Variants in ZNF208 observed in about 807,000 individuals in gnomAD.
ZNF208 encodes the protein zinc finger protein 208.
In ZNF208, 10 loss-of-function variants were observed where a neutral mutation model predicts 12.1. That is an observed-to-expected ratio of 0.83 (90% CI 0.51 to 1.40). The LOEUF (loss-of-function observed/expected upper bound fraction) is 1.40, where lower values mean the gene tolerates loss of function less well. Among genes scored for constraint, ZNF208 ranks in the 40% most tolerant of loss-of-function variants. The pLI, the probability that ZNF208 is intolerant of heterozygous loss-of-function variation, is 0.00. For missense variants in ZNF208, 1,652 were observed against 1,485.0 expected (o/e 1.11, Z -1.85); for synonymous variants, 497 against 488.4 (o/e 1.02, Z -0.23).
chr19:21,977,157 CATTA>C (rs1262006484), intron 3 of ZNF208, among the ~76,000 whole-genome samples: 9 of 152,296 alleles, frequency 5.9e-5, no homozygotes, highest in Non-Finnish European at 1.2e-4. Flanking sequence ...GTGTATCACA[CATTA>C]GGATTACAAA....
In ZNF208 at chr19:21,940,423, C is replaced by G. The variant is rs1469504423; in HGVS notation, c.306-7186G>C. On this transcript the variant is annotated intron_variant, in intron 4 of 4. Coordinates refer to the ZNF208 transcript ENST00000599916. Reference sequence around the variant, plus strand: ...GGTAAAATAGAGTAAAAATTTTAGTCTCTAAGTTTGTGACCATTAAAAAAT... The same window carrying G: ...GGTAAAATAGAGTAAAAATTTTAGTGTCTAAGTTTGTGACCATTAAAAAAT... The G allele has an allele frequency of 2.9e-4, 44 of 151,968 alleles. 1 individual carries two copies. Among genetic ancestry groups the G allele is most frequent in the Admixed American group, 2.9e-3 (44 of 15,262 alleles). 9.4% of individuals were successfully genotyped at this position (151,968 alleles called of 1,614,324 possible). A position where few individuals can be genotyped will look rare whatever the true frequency, so the allele number is the denominator to read the frequency against.
chr19:21,965,204 C>T (rs111575850), downstream of ZNF208, among the ~76,000 whole-genome samples: 14 of 151,884 alleles, frequency 9.2e-5, no homozygotes, highest in African/African-American at 3.4e-4. Flanking sequence ...TATAATAAAT[C>T]AGAAACTATA....
At chr19:22,008,699 A>C (rs1473813206) in intron 1 of ZNF208, among the ~76,000 whole-genome samples, 1 of 152,138 alleles carries the variant, frequency 6.6e-6, no homozygotes, top group Non-Finnish European at 1.5e-5. Flanking sequence ...TCTGAACAGC[A>C]ATATGTCTCC....
intron 1 of ZNF208, among the ~76,000 whole-genome samples, chr19:21,994,954 C>CTT (rs71178799): frequency 6.9e-6 from 1 of 144,684 alleles, no homozygotes; most frequent in Non-Finnish European, 1.5e-5. Context: ...TTTTTCTTTT[C>CTT]TTTTTTTTTT....
chr19:21,988,982 C>G, intron 1 of ZNF208, 73 bp from the exon 2 acceptor site: 1 of 1,593,656 alleles, frequency 6.3e-7, no homozygotes. Flanking sequence ...AGGTAAAATG[C>G]AGAGAGTAAA....
intron 4 of ZNF208, among the ~76,000 whole-genome samples, chr19:21,944,330 C>G (rs1969785621): frequency 6.6e-6 from 1 of 152,164 alleles, no homozygotes; most frequent in African/African-American, 2.4e-5. Context: ...ATTTAAAATT[C>G]AACCTAAATT....
chr19:21,977,414 G>T (rs898123292), intron 3 of ZNF208, among the ~76,000 whole-genome samples: 5 of 152,162 alleles, frequency 3.3e-5, no homozygotes. Context: ...CAGTGGGTGC[G>T]GCTCCCTGAG....
intron 4 of ZNF208, chr19:21,940,335 A>C (rs1243961235): frequency 6.6e-6 from 1 of 152,204 alleles, no homozygotes; most frequent in African/African-American, 2.4e-5. Flanking sequence ...ATCAAATCTA[A>C]GGTAATAAAC....
chr19:21,977,329 C>A (rs769076828), intron 3 of ZNF208, among the ~76,000 whole-genome samples: 5 of 150,658 alleles, frequency 3.3e-5, no homozygotes, highest in East Asian at 2.0e-4. Context: ...GCTCCCAGCG[C>A]GATCGACACA....
chr19:21,945,473 C>G (rs1969802157), intron 4 of ZNF208, among the ~76,000 whole-genome samples: 1 of 151,916 alleles, frequency 6.6e-6, no homozygotes, highest in African/African-American at 2.4e-5. Flanking sequence ...CATTTTTTCT[C>G]TTACATGTCA....
In ZNF208 at chr19:21,972,400, A is replaced by G. The variant is rs745665195; in HGVS notation, c.2634T>C (p.Tyr878=). The G allele has an allele frequency of 1.6e-5, 25 of 1,588,814 alleles. No homozygotes were observed. The highest frequency in any genetic ancestry group is 2.1e-5 in the Non-Finnish European group (25 of 1,169,418). The change falls in exon 4 of 4, where the codon TAT becomes TAC. Residue 878 remains tyrosine (Y), a synonymous_variant. Coordinates refer to ENST00000397126, the MANE Select transcript of ZNF208 (RefSeq NM_007153.3). ...KAYKWPSTLS[Y]HKKIHTGEKP... ...TCTCTCCAGTATGAATTTTCTTATGATAACTAAGGGTTGAGGGCCATTTAT... is the reference window on the plus strand; with the variant it reads ...TCTCTCCAGTATGAATTTTCTTATGGTAACTAAGGGTTGAGGGCCATTTAT...
chr19:21,972,639 G>A lies in ZNF208; in HGVS notation c.2395C>T (p.His799Tyr), dbSNP rs866759489. 5.6e-6 allele frequency: 9 copies of A among 1,613,104 alleles called. No homozygotes were observed. Among genetic ancestry groups the A allele is most frequent in the Non-Finnish European group, 7.6e-6 (9 of 1,179,830 alleles). Residue 799 changes from histidine to tyrosine, a missense_variant, in exon 4 of 4, where the codon CAT becomes TAT. By Grantham distance (83) the His-to-Tyr change is moderately conservative. Transcript: ENST00000397126. ...SAILIKHKRI[H>Y]TDEKPYKCEE... ...CATTTGTAGGGTTTCTCATCAGTATGAATTCTCTTATGTTTAATAAGGATT... is the reference window on the plus strand; with the variant it reads ...CATTTGTAGGGTTTCTCATCAGTATAAATTCTCTTATGTTTAATAAGGATT...
intron 3 of ZNF208, among the ~76,000 whole-genome samples, chr19:21,984,130 A>G (rs1970592981): frequency 6.6e-6 from 1 of 152,156 alleles, no homozygotes; most frequent in Admixed American, 6.6e-5. Context: ...CATACAATAT[A>G]TTTCTTGATA....
intron 1 of ZNF208, among the ~76,000 whole-genome samples, chr19:22,005,228 G>GAC (rs1407161638): frequency 6.6e-6 from 1 of 152,190 alleles, no homozygotes; most frequent in Non-Finnish European, 1.5e-5. Context: ...GAGGAGTGTG[G>GAC]ACACATCAAT....
chr19:21,963,912 T>C (rs1026318337), downstream of ZNF208, among the ~76,000 whole-genome samples: 1 of 151,866 alleles, frequency 6.6e-6, no homozygotes, highest in African/African-American at 2.4e-5. Context: ...GTTAAGTAAG[T>C]TTTGAGACCT....
At chr19:21,961,875 T>A (rs190298794), downstream of ZNF208, among the ~76,000 whole-genome samples, 1 of 152,302 alleles carries the variant, frequency 6.6e-6, no homozygotes, top group Non-Finnish European at 1.5e-5. Flanking sequence ...GTTATTCTGT[T>A]GTTTTTCAAG....
At position 21,969,439 on chromosome 19, in the gene ZNF208, A is replaced by G. The variant is rs1302889557; in HGVS notation, c.*1752T>C. Among the ~76,000 whole-genome samples the G allele has an allele frequency of 6.6e-6, 1 of 152,174 alleles. No individual in the cohort carries two copies. The highest frequency in any genetic ancestry group is 1.5e-5 in the Non-Finnish European group (1 of 68,038). On this transcript the variant is annotated 3_prime_UTR_variant, in exon 4 of 4. Transcript: ENST00000397126. ...ACTCAGCAGTCTGATTTAGTGTAAT[A>G]TCTGAAGTTTGAGTGACAGGTATTT...
chr19:21,988,718 T>C, intron 2 of ZNF208, 65 bp downstream of exon 2: 1 of 1,611,324 alleles, frequency 6.2e-7, no homozygotes, highest in Non-Finnish European at 8.5e-7. Context: ...TTCAGTCCAA[T>C]AAGGTCTGCA....
Position 21,972,181 on chromosome 19 carries a change from G to A in ZNF208, c.2853C>T (p.Gly951=). The change falls in exon 4 of 4, where the codon GGC becomes GGT. Residue 951 remains glycine, a synonymous_variant. Transcript: ENST00000397126. The stretch of plus-strand genomic sequence containing the variant: ...GGGTTGAGGATGACTTATAGGCTTT[G>A]CCACATGCTTCACATTTGTAGAATT... ...GEKFYKCEAC[G]KAYKSSSTLS... is the part of the protein sequence containing the mutation. The A allele has an allele frequency of 6.2e-7, 1 of 1,608,182 alleles. No homozygotes were observed. The highest frequency in any genetic ancestry group is 8.5e-7 in the Non-Finnish European group (1 of 1,176,622).
Sources: allele counts gnomAD v4.1 joint callset (sites outside exome capture counted in the v4.1 genomes callset), GRCh38; gene constraint gnomAD v4.1.1; transcripts MANE v1.5; gene names NCBI Gene and HGNC (gene_info 2026-07-23, HGNC 2026-07-21).